Variants in IRF8 observed in about 807,000 individuals in gnomAD.
IRF8 encodes interferon regulatory factor 8.
A neutral mutation model predicts 48.7 loss-of-function variants in IRF8; 14 were observed. That is an observed-to-expected ratio of 0.29 (90% CI 0.19 to 0.45). The LOEUF (loss-of-function observed/expected upper bound fraction) is 0.45, where lower values mean the gene tolerates loss of function less well. IRF8 is among the 20% of genes least tolerant of loss of function. The pLI, the probability that IRF8 is intolerant of heterozygous loss-of-function variation, is 1.00. For missense variants in IRF8, 493 were observed against 580.7 expected, an observed-to-expected ratio of 0.85 and a Z score of 1.55; for synonymous variants, 278 against 227.3, an observed-to-expected ratio of 1.22 and a Z score of -2.01.
intron 2 of IRF8, among the ~76,000 whole-genome samples, chr16:85,907,438 G>C (rs1905036929): frequency 6.6e-6 from 1 of 152,230 alleles, no homozygotes; most frequent in Non-Finnish European, 1.5e-5. Flanking sequence ...CCAGCACTTT[G>C]GGAGGCCGAG....
At chr16:85,913,024 C>T (rs1441553907) in intron 4 of IRF8, 107 bp from the exon 5 acceptor site, 2 of 863,110 alleles carry the variant, frequency 2.3e-6, no homozygotes, top group Admixed American at 1.7e-5. Context: ...ATAAAGGTGA[C>T]AATATGGTTT....
chr16:85,914,316 G>A, intron 5 of IRF8, 157 bp from the exon 6 acceptor site: 1 of 787,298 alleles, frequency 1.3e-6, no homozygotes, highest in South Asian at 1.5e-5. Flanking sequence ...GCTCTGGTGG[G>A]GAAAAGCACT....
chr16:85,921,135 A>G lies in IRF8; in HGVS notation c.1134A>G (p.Ala378=), dbSNP rs1158749859. The part of the protein sequence containing the change: ...QIEQLYVRQL[A]EEAGKSCGAG... The stretch of plus-strand genomic sequence containing the variant: ...AGCAGCTGTATGTCCGGCAACTGGC[A>G]GAAGAGGCTGGGAAGAGCTGTGGAG... The change falls in exon 9 of 9, where the codon GCA becomes GCG. Residue 378 remains alanine, a synonymous_variant. Coordinates refer to ENST00000268638, the MANE Select transcript of IRF8 (RefSeq NM_002163.4). 1 of 1,614,070 alleles carries G rather than the reference A, an allele frequency of 6.2e-7. No individual in the cohort carries two copies. The highest frequency in any genetic ancestry group is 8.5e-7 in the Non-Finnish European group (1 of 1,179,986).
Position 85,905,185 on chromosome 16 carries a change from A to G in IRF8, c.174+1996A>G, listed in dbSNP as rs182582977. ...TAAGAGCTGGCCACTGCCAGGATCAACAGACTTAACCAGAGGTGTTGGGTG... is the reference window on the plus strand; with the variant it reads ...TAAGAGCTGGCCACTGCCAGGATCAGCAGACTTAACCAGAGGTGTTGGGTG... On this transcript the variant is annotated intron_variant, in intron 2 of 8. Coordinates refer to ENST00000268638, the MANE Select transcript of IRF8 (RefSeq NM_002163.4). 5.9e-4 allele frequency among the ~76,000 whole-genome samples: 90 copies of G among 152,332 alleles called. 1 individual carries two copies. Among genetic ancestry groups the G allele is most frequent in the Non-Finnish European group, 1.0e-3 (68 of 68,042 alleles).
In IRF8 at chr16:85,918,458, C is replaced by G; in HGVS notation, c.643C>G (p.Leu215Val). 1 of 1,592,094 alleles carries G rather than the reference C, an allele frequency of 6.3e-7. No homozygotes were observed. Among genetic ancestry groups the G allele is most frequent in the Non-Finnish European group, 8.5e-7 (1 of 1,176,290 alleles). Residue 215 changes from leucine to valine, a missense_variant, in exon 7 of 9, where the codon CTG (leucine) becomes GTG (valine). Physicochemically the swap from Leu to Val is conservative, Grantham distance 32. Transcript: ENST00000268638. ...GATCAGCTTCTACTATGGGGGCAAG[C>G]TGGTGGGCCAGGCCACCACCACCTG... ...MVISFYYGGKLVGQATTTCPE... is the reference protein window; with the variant it reads ...MVISFYYGGKVVGQATTTCPE...
intron 1 of IRF8, chr16:85,900,983 G>C (rs979310312): frequency 1.3e-5 from 2 of 152,234 alleles, no homozygotes; most frequent in African/African-American, 4.8e-5. Flanking sequence ...GAAATCAGGG[G>C]AGTTGAAAGT....
chr16:85,900,204 A>G (rs2152097648), intron 1 of IRF8, among the ~76,000 whole-genome samples: 1 of 151,900 alleles, frequency 6.6e-6, no homozygotes, highest in Non-Finnish European at 1.5e-5. Context: ...GGCGGGGGAG[A>G]GGGTGGGGTC....
chr16:85,899,959 T>G (rs1034611630), intron 1 of IRF8, among the ~76,000 whole-genome samples: 2 of 152,116 alleles, frequency 1.3e-5, no homozygotes, highest in African/African-American at 4.8e-5. Context: ...TTTTAAGAAG[T>G]CTCCCCAACC....
intron 1 of IRF8, among the ~76,000 whole-genome samples, chr16:85,899,632 A>G (rs1904762202): frequency 6.6e-6 from 1 of 152,248 alleles, no homozygotes; most frequent in South Asian, 2.1e-4. Flanking sequence ...ACTGCCCAAT[A>G]ACCAGTCGTT....
intron 8 of IRF8, 37 bp from the exon 9 acceptor site, chr16:85,921,069 C>G (rs1168328981): frequency 6.3e-7 from 1 of 1,583,282 alleles, no homozygotes; most frequent in Non-Finnish European, 8.6e-7. Flanking sequence ...TTTGGAGCCT[C>G]CGCCTCTGCC....
At chr16:85,906,616 G>A (rs998922755) in intron 2 of IRF8, among the ~76,000 whole-genome samples, 1 of 152,256 alleles carries the variant, frequency 6.6e-6, no homozygotes, top group African/African-American at 2.4e-5. Flanking sequence ...GAACGAGTGA[G>A]TATGGCAGTG....
Position 85,914,437 on chromosome 16 carries a change from G to T in IRF8, c.554-36G>T, listed in dbSNP as rs1395689545. 4 of 1,613,866 alleles carry T rather than the reference G, an allele frequency of 2.5e-6. No homozygotes were observed. The East Asian group carries it at 6.7e-5, about 27-fold the overall frequency. Reference sequence around the variant, plus strand: ...GGTTACTCCCTGTACACCACACCTGGGTGGCTCTGAGCTTGCTTTTCTGTT... The same window carrying T: ...GGTTACTCCCTGTACACCACACCTGTGTGGCTCTGAGCTTGCTTTTCTGTT... On this transcript the variant is annotated intron_variant, in intron 5 of 8. Transcript: ENST00000268638.
chr16:85,920,268 A>C (rs375690820), intron 8 of IRF8, 44 bp downstream of exon 8: 300 of 964,750 alleles, frequency 3.1e-4, no homozygotes, highest in Non-Finnish European at 3.5e-4. Context: ...TTTTTTTGAG[A>C]TGGAGTCTTG....
chr16:85,909,274 A>G, intron 3 of IRF8, 101 bp downstream of exon 3: 1 of 908,884 alleles, frequency 1.1e-6, no homozygotes, highest in South Asian at 1.4e-5. Context: ...TCTGGGGCAC[A>G]TAGTTTCAGT....
In IRF8 at chr16:85,921,380, G is replaced by C; in HGVS notation, c.*98G>C. On this transcript the variant is annotated 3_prime_UTR_variant, in exon 9 of 9. Coordinates refer to ENST00000268638, the MANE Select transcript of IRF8 (RefSeq NM_002163.4). ...TTAAAGAATGTGGATCCCTCTGTCT[G>C]GGGTGGGATGCCTTACTTTGCACTT... is the stretch of plus-strand genomic sequence containing the variant. The C allele has an allele frequency of 7.7e-7, 1 of 1,294,496 alleles. No individual in the cohort carries two copies. Among genetic ancestry groups the C allele is most frequent in the Admixed American group, 1.7e-5 (1 of 59,486 alleles). 80.2% of individuals were successfully genotyped at this position (1,294,496 alleles called of 1,614,324 possible). A position where few individuals can be genotyped will look rare whatever the true frequency, so the allele number is the denominator to read the frequency against.
intron 1 of IRF8, among the ~76,000 whole-genome samples, chr16:85,900,042 C>A (rs1258797607): frequency 2.0e-5 from 3 of 152,144 alleles, no homozygotes; most frequent in East Asian, 1.9e-4. Flanking sequence ...AAAGCTTGTC[C>A]TTTTGGGTTA....
chr16:85,912,319 A>G (rs1213592213), intron 4 of IRF8, among the ~76,000 whole-genome samples: 1 of 152,240 alleles, frequency 6.6e-6, no homozygotes, highest in Non-Finnish European at 1.5e-5. Flanking sequence ...CATGGGTATT[A>G]CAAGGTGGAC....
chr16:85,912,732 G>T (rs979645904), intron 4 of IRF8, among the ~76,000 whole-genome samples: 1 of 152,262 alleles, frequency 6.6e-6, no homozygotes, highest in East Asian at 1.9e-4. Flanking sequence ...ACATCTGCAT[G>T]TGGCTCGTTG....
At chr16:85,920,262 T>C in intron 8 of IRF8, 38 bp downstream of exon 8, 2 of 1,146,162 alleles carry the variant, frequency 1.7e-6, no homozygotes, top group African/African-American at 1.6e-5. Flanking sequence ...TTTTTTTTTT[T>C]TTGAGATGGA....
Sources: gnomAD v4.1 joint callset for allele counts (sites outside exome capture counted in the v4.1 genomes callset) on GRCh38, gnomAD v4.1.1 for gene constraint, MANE v1.5 for transcripts, NCBI Gene and HGNC (gene_info 2026-07-23, HGNC 2026-07-21) for gene names.